Variants in AGPAT3 observed in about 807,000 individuals in gnomAD.
AGPAT3 encodes 1-acyl-sn-glycerol-3-phosphate acyltransferase gamma.
Under a neutral mutation model 47.3 loss-of-function variants are expected in AGPAT3, and 5 were observed. That is an observed-to-expected ratio of 0.11 (90% confidence interval 0.06 to 0.22). AGPAT3 has a LOEUF of 0.22. AGPAT3 is among the 10% of genes least tolerant of loss of function. The pLI is 1.00. For missense variants in AGPAT3, 315 were observed against 493.0 expected, an observed-to-expected ratio of 0.64 and a Z score of 3.42; for synonymous variants, 212 against 208.3, an observed-to-expected ratio of 1.02 and a Z score of -0.15.
intron 1 of AGPAT3, among the ~76,000 whole-genome samples, chr21:43,870,504 G>C (rs1194208440): frequency 6.6e-6 from 1 of 151,680 alleles, no homozygotes; most frequent in Non-Finnish European, 1.5e-5. Flanking sequence ...TTGAGGTCAG[G>C]AGTTCGAGAC....
chr21:43,926,636 CTTT>C (rs557494803), intron 2 of AGPAT3, among the ~76,000 whole-genome samples: 11 of 86,538 alleles, frequency 1.3e-4, no homozygotes, highest in African/African-American at 5.5e-4. Flanking sequence ...CTACGCTGGC[CTTT>C]TTTTTTTTTT....
chr21:43,974,850 C>T (rs2089545094), intron 7 of AGPAT3, among the ~76,000 whole-genome samples: 1 of 152,210 alleles, frequency 6.6e-6, no homozygotes. Flanking sequence ...TCGGTTGTTC[C>T]TCACATGGCG....
intron 2 of AGPAT3, among the ~76,000 whole-genome samples, chr21:43,957,563 G>A (rs1187820029): frequency 2.0e-5 from 3 of 150,520 alleles, no homozygotes; most frequent in Non-Finnish European, 4.4e-5. Context: ...CTCCACACGG[G>A]GGTCTCGGGT....
At chr21:43,882,273 C>T (rs1324299289) in intron 1 of AGPAT3, among the ~76,000 whole-genome samples, 1 of 152,228 alleles carries the variant, frequency 6.6e-6, no homozygotes. Context: ...TATTAGTGCT[C>T]TGTGTTATTA....
At chr21:43,885,396 T>C (rs879465018) in intron 1 of AGPAT3, among the ~76,000 whole-genome samples, 9 of 151,562 alleles carry the variant, frequency 5.9e-5, no homozygotes, top group Admixed American at 3.9e-4. Flanking sequence ...TTTTTCTTTT[T>C]TTTTTTTTTT....
intron 2 of AGPAT3, among the ~76,000 whole-genome samples, chr21:43,924,092 C>T (rs1037665483): frequency 1.3e-5 from 2 of 152,166 alleles, no homozygotes; most frequent in African/African-American, 2.4e-5. Flanking sequence ...TCTCAGCTCA[C>T]TGCAAGCTCC....
chr21:43,959,202 G>A (rs2088685125), intron 2 of AGPAT3, among the ~76,000 whole-genome samples: 1 of 138,930 alleles, frequency 7.2e-6, no homozygotes, highest in Non-Finnish European at 1.5e-5. Flanking sequence ...TGTGTGGTGT[G>A]TGATGTGTGG....
chr21:43,943,523 G>A (rs183302452), intron 2 of AGPAT3, among the ~76,000 whole-genome samples: 9 of 152,290 alleles, frequency 5.9e-5, no homozygotes, highest in Non-Finnish European at 5.9e-5. Context: ...CCTGGGGCTC[G>A]ATTTCCCAGA....
At position 43,981,490 on chromosome 21, in the gene AGPAT3, C is replaced by T. The variant is rs1037717938; in HGVS notation, c.1042+303C>T. On this transcript the variant is annotated intron_variant, in intron 9 of 9. Transcript: ENST00000291572. This position sits in a 1 kb window ranked among gnomAD's most constrained non-coding sequence, Gnocchi z 5.3. ...GTCCCCGAGAGGGTCCCCAGCCCCC[C>T]TGTCTGCTTTTGGGCTCTTAGGGGT... 2.6e-5 allele frequency: 12 copies of T among 466,872 alleles called. No homozygotes were observed. The highest frequency in any genetic ancestry group is 1.6e-4 in the African/African-American group (8 of 51,054). 28.9% of individuals were successfully genotyped at this position (466,872 alleles called of 1,614,324 possible). A position where few individuals can be genotyped will look rare whatever the true frequency, so the allele number is the denominator to read the frequency against.
chr21:43,910,771 A>G lies in AGPAT3; in HGVS notation c.-49+6752A>G, dbSNP rs952587951. The stretch of plus-strand genomic sequence containing the variant: ...CTGCCAAGCTGTGTCTCGTGAAGTC[A>G]GGTATTCTGCAAGGGAAGCTTTTTT... On this transcript the variant is annotated intron_variant, in intron 2 of 9. Coordinates refer to ENST00000291572, the MANE Select transcript of AGPAT3 (RefSeq NM_020132.5). Among the ~76,000 whole-genome samples, 3 of 152,334 alleles carry G rather than the reference A, an allele frequency of 2.0e-5. No individual in the cohort carries two copies. The East Asian group carries it at 5.8e-4, about 29-fold the overall frequency.
chr21:43,987,564 CA>C lies in AGPAT3; in HGVS notation c.*5176del, dbSNP rs1673001742. Among the ~76,000 whole-genome samples, 1 of 152,144 alleles carries C rather than the reference CA, an allele frequency of 6.6e-6. No homozygotes were observed. The highest frequency in any genetic ancestry group is 1.5e-5 in the Non-Finnish European group (1 of 68,018). ...CCCCTTTCTCTTCTTTATTAAAAAG[CA>C]AAACAAAAACTCTTGTTAGAACCAA... On this transcript the variant is annotated 3_prime_UTR_variant, in exon 10 of 10. Transcript: ENST00000291572.
chr21:43,935,114 G>A (rs765952260), intron 2 of AGPAT3, among the ~76,000 whole-genome samples: 11 of 152,266 alleles, frequency 7.2e-5, no homozygotes, highest in Admixed American at 4.6e-4. Flanking sequence ...ACCTGAGAGC[G>A]TGAGGAAGCA....
chr21:43,973,660 C>T (rs779382791), intron 7 of AGPAT3, among the ~76,000 whole-genome samples: 101 of 152,382 alleles, frequency 6.6e-4, no homozygotes, highest in Admixed American at 3.1e-3. Flanking sequence ...TGTAAGGCTT[C>T]GGCTGTTCAG....
At chr21:43,916,267 T>C (rs2086726680) in intron 2 of AGPAT3, 1 of 152,198 alleles carries the variant, frequency 6.6e-6, no homozygotes. Context: ...TTAATTTTGT[T>C]GTTTATATGT....
At chr21:43,951,630 C>T (rs753297837) in intron 2 of AGPAT3, among the ~76,000 whole-genome samples, 6 of 152,156 alleles carry the variant, frequency 3.9e-5, no homozygotes, top group East Asian at 1.9e-4. Flanking sequence ...CACTCTGTGG[C>T]GTTTTGGGAA....
chr21:43,924,236 A>G (rs2086984573), intron 2 of AGPAT3, among the ~76,000 whole-genome samples: 1 of 150,990 alleles, frequency 6.6e-6, no homozygotes, highest in Non-Finnish European at 1.5e-5. Context: ...CGTGTTAGCC[A>G]GGATGATCTC....
At chr21:43,907,889 C>T (rs2838431) in intron 2 of AGPAT3, among the ~76,000 whole-genome samples, 16,104 of 152,264 alleles carry the variant, frequency 0.11, 1,637 homozygotes, top group African/African-American at 0.27. Context: ...TAAAGCCACA[C>T]GTTTGTCGAT....
rs185021144 is a variant in AGPAT3, at chr21:43,941,022, G to A, written c.-48-18612G>A. 4.1e-4 allele frequency among the ~76,000 whole-genome samples: 62 copies of A among 152,360 alleles called. No individual in the cohort carries two copies. In the East Asian group the frequency reaches 7.5e-3, roughly 18 times the overall value. ...ACTGATGCCGCCTGCTGTTTCTGCAGAGGGTCAAAGGGCACAAGATGCGTG... is the reference window on the plus strand; with the variant it reads ...ACTGATGCCGCCTGCTGTTTCTGCAAAGGGTCAAAGGGCACAAGATGCGTG... On this transcript the variant is annotated intron_variant, in intron 2 of 9. Transcript: ENST00000291572.
At chr21:43,874,101 C>G (rs921444375) in intron 1 of AGPAT3, among the ~76,000 whole-genome samples, 1 of 152,228 alleles carries the variant, frequency 6.6e-6, no homozygotes, top group Non-Finnish European at 1.5e-5. Flanking sequence ...TCTCGGCTCA[C>G]TGCAACCTCC....
Sources: allele counts gnomAD v4.1 joint callset (sites outside exome capture counted in the v4.1 genomes callset), GRCh38; gene constraint gnomAD v4.1.1; non-coding constraint Gnocchi (gnomAD v3.1); transcripts MANE v1.5; gene names NCBI Gene and HGNC (gene_info 2026-07-23, HGNC 2026-07-21).